The following SEMA3D variants were observed in gnomAD, a reference collection of about 807,000 sequenced individuals.
The protein encoded by SEMA3D is semaphorin 3D.
Under a neutral mutation model 100.1 loss-of-function variants are expected in SEMA3D, and 84 were observed. That is an observed-to-expected ratio of 0.84 (90% CI 0.70 to 1.01). The LOEUF (loss-of-function observed/expected upper bound fraction) is 1.01. SEMA3D is among the 50% of genes least tolerant of loss of function. The probability of loss-of-function intolerance (pLI) is 0.00; values close to 1 mark genes in which losing one functional copy is unlikely to be tolerated. For synonymous variants in SEMA3D, 312 were observed against 320.7 expected, an observed-to-expected ratio of 0.97 and a Z score of 0.29; for missense variants, 875 against 934.1, an observed-to-expected ratio of 0.94 and a Z score of 0.82.
At position 85,059,999 on chromosome 7, in the gene SEMA3D, C is replaced by G. The variant is rs560950024; in HGVS notation, c.719-4140G>C. On this transcript the variant is annotated intron_variant, in intron 8 of 18. Transcript: ENST00000284136. The stretch of plus-strand genomic sequence containing the variant: ...CTACATTTCAGAAATTTCAGTATGA[C>G]ATCAATGAGGTGGGAGGAGGAAAGA... Among the ~76,000 whole-genome samples the G allele has an allele frequency of 7.2e-5, 11 of 152,242 alleles. No homozygotes were observed. The East Asian group carries it at 1.5e-3, about 21-fold the overall frequency.
intron 8 of SEMA3D, among the ~76,000 whole-genome samples, chr7:85,061,838 C>T (rs1424383310): frequency 6.6e-6 from 1 of 152,172 alleles, no homozygotes; most frequent in Non-Finnish European, 1.5e-5. Flanking sequence ...TTTCCCTCAG[C>T]AAATATCTGA....
chr7:85,169,955 T>A (rs1791041516), intron 1 of SEMA3D, among the ~76,000 whole-genome samples: 1 of 151,698 alleles, frequency 6.6e-6, no homozygotes, highest in African/African-American at 2.4e-5. Flanking sequence ...TGTTTGTGAA[T>A]GTGAAAATAA....
intron 2 of SEMA3D, among the ~76,000 whole-genome samples, chr7:85,132,803 G>A (rs1368235203): frequency 6.6e-6 from 1 of 151,798 alleles, no homozygotes; most frequent in Non-Finnish European, 1.5e-5. Flanking sequence ...TCATAACACT[G>A]TTTTAGAAAC....
Position 85,037,046 on chromosome 7 carries a change from A to G in SEMA3D, c.1047-13T>C. On this transcript the variant is annotated splice_polypyrimidine_tract_variant and intron_variant, in intron 11 of 18. Transcript: ENST00000284136. ...TTTGAAGATGGAGCTGGAAAAAAAAAGCATCATCATTCAATCATTCACTGA... is the reference window on the plus strand; with the variant it reads ...TTTGAAGATGGAGCTGGAAAAAAAAGGCATCATCATTCAATCATTCACTGA... The G allele has an allele frequency of 6.2e-7, 1 of 1,609,522 alleles. No individual in the cohort carries two copies. Among genetic ancestry groups the G allele is most frequent in the Non-Finnish European group, 8.5e-7 (1 of 1,178,294 alleles).
At chr7:85,231,607 C>T in the SEMA3D span, among the ~76,000 whole-genome samples, 3 of 152,118 alleles carry the variant, frequency 2.0e-5, no homozygotes, top group South Asian at 4.1e-4. Context: ...TCTGCCACCA[C>T]ACCCGGCTAA....
intron 4 of SEMA3D, among the ~76,000 whole-genome samples, chr7:85,083,571 G>A (rs372762048): frequency 1.3e-5 from 2 of 152,232 alleles, no homozygotes; most frequent in Admixed American, 6.5e-5. Flanking sequence ...TCGGCCGGGC[G>A]CGGTGGCTCA....
chr7:85,050,177 C>G (rs2116044803), intron 9 of SEMA3D, among the ~76,000 whole-genome samples: 1 of 151,230 alleles, frequency 6.6e-6, no homozygotes, highest in East Asian at 1.9e-4. Context: ...AAAGTACTAA[C>G]TTGCAAAGTA....
intron 3 of SEMA3D, among the ~76,000 whole-genome samples, chr7:85,115,207 G>A (rs1051951352): frequency 1.3e-5 from 2 of 152,090 alleles, no homozygotes; most frequent in African/African-American, 4.8e-5. Context: ...AGCAAGACAG[G>A]GCTAGCATCC....
At chr7:85,181,363 T>C (rs372855388) in intron 1 of SEMA3D, among the ~76,000 whole-genome samples, 1,032 of 86,760 alleles carry the variant, frequency 0.012, 16 homozygotes, top group African/African-American at 0.038. Context: ...CACACACACA[T>C]GCACTGCTAG....
chr7:85,033,867 A>G (rs1399935408), intron 12 of SEMA3D, among the ~76,000 whole-genome samples: 1 of 151,272 alleles, frequency 6.6e-6, no homozygotes, highest in Non-Finnish European at 1.5e-5. Flanking sequence ...ATACACACAC[A>G]CACACACACA....
chr7:85,097,863 C>A lies in SEMA3D; in HGVS notation c.254G>T (p.Gly85Val). The A allele has an allele frequency of 6.2e-7, 1 of 1,609,188 alleles. No individual in the cohort carries two copies. The highest frequency in any genetic ancestry group is 8.5e-7 in the Non-Finnish European group (1 of 1,176,610). Residue 85 changes from glycine to valine, a missense_variant, in exon 4 of 19, where the codon GGA becomes GTA. Physicochemically the swap from Gly to Val is moderately radical, Grantham distance 109. Coordinates refer to ENST00000284136, the MANE Select transcript of SEMA3D (RefSeq NM_001384900.1). ...GAGTAGAAAGATGTGGTCTTTGGCT[C>A]CCAAGAGCAGCCTGCCTCTTTCCTC... Reference protein sequence around the residue: ...LDEERGRLLLGAKDHIFLLSL... With the variant: ...LDEERGRLLLVAKDHIFLLSL...
At chr7:85,081,605 C>T (rs746963026) in intron 4 of SEMA3D, 26 bp from the exon 5 acceptor site, 3 of 1,533,986 alleles carry the variant, frequency 2.0e-6, no homozygotes, top group Admixed American at 3.3e-5. Context: ...AAGTATGTTA[C>T]AACCTGAATA....
chr7:85,098,582 G>C (rs1379426810), intron 3 of SEMA3D, among the ~76,000 whole-genome samples: 1 of 151,706 alleles, frequency 6.6e-6, no homozygotes, highest in Non-Finnish European at 1.5e-5. Flanking sequence ...GAAATTTCCT[G>C]TATACTTCTT....
the SEMA3D span, among the ~76,000 whole-genome samples, chr7:85,192,169 T>C: frequency 6.6e-6 from 1 of 152,028 alleles, no homozygotes; most frequent in Non-Finnish European, 1.5e-5. Context: ...TTTATAATAT[T>C]ACAAAAAATG....
At chr7:85,245,999 G>A in the SEMA3D span, among the ~76,000 whole-genome samples, 2 of 152,144 alleles carry the variant, frequency 1.3e-5, no homozygotes, top group Middle Eastern at 3.4e-3. Flanking sequence ...AAAAATCTAA[G>A]ATGTAGAACA....
At chr7:85,245,599 T>G in the SEMA3D span, among the ~76,000 whole-genome samples, 1 of 152,200 alleles carries the variant, frequency 6.6e-6, no homozygotes, top group African/African-American at 2.4e-5. Flanking sequence ...CACATGAAAC[T>G]TCAACATTTA....
At chr7:85,207,412 G>A in the SEMA3D span, among the ~76,000 whole-genome samples, 1 of 151,978 alleles carries the variant, frequency 6.6e-6, no homozygotes, top group Non-Finnish European at 1.5e-5. Flanking sequence ...AACATCCAAT[G>A]GTTGATTGCA....
chr7:85,212,425 G>A, the SEMA3D span, among the ~76,000 whole-genome samples: 1 of 152,082 alleles, frequency 6.6e-6, no homozygotes, highest in Admixed American at 6.6e-5. Flanking sequence ...ATAGCAATGT[G>A]TACCTGTTAA....
At chr7:85,179,740 C>A (rs998457152) in intron 1 of SEMA3D, among the ~76,000 whole-genome samples, 13 of 151,546 alleles carry the variant, frequency 8.6e-5, no homozygotes, top group African/African-American at 3.2e-4. Context: ...CGGCTCACTG[C>A]AAGCTCCGCC....
Sources: allele counts gnomAD v4.1 joint callset (sites outside exome capture counted in the v4.1 genomes callset), GRCh38; gene constraint gnomAD v4.1.1; transcripts MANE v1.5; gene names NCBI Gene and HGNC (gene_info 2026-07-23, HGNC 2026-07-21).